The following SESTD1 variants were observed in gnomAD, a reference collection of about 807,000 sequenced individuals.
SESTD1 encodes the protein SEC14 domain and spectrin repeat-containing protein 1.
Under a neutral mutation model 101.7 loss-of-function variants are expected in SESTD1, and 43 were observed. The ratio of observed to expected loss-of-function variants is 0.42; its 90% CI spans 0.33 to 0.55. The LOEUF is 0.55. Ranked by LOEUF, SESTD1 falls within the 20% of genes least tolerant of loss-of-function variation. The pLI, the probability that SESTD1 is intolerant of heterozygous loss-of-function variation, is 0.07. For missense variants in SESTD1, 647 were observed against 815.1 expected (o/e 0.79, Z 2.51); for synonymous variants, 283 against 286.8 (o/e 0.99, Z 0.13).
chr2:179,259,085 A>G (rs2047442347), intron 1 of SESTD1, among the ~76,000 whole-genome samples: 1 of 152,202 alleles, frequency 6.6e-6, no homozygotes, highest in African/African-American at 2.4e-5. Context: ...GGGGGAGTCC[A>G]CCAAGTAGAC....
chr2:179,256,021 CAA>C (rs150797497), intron 1 of SESTD1, among the ~76,000 whole-genome samples: 7 of 136,808 alleles, frequency 5.1e-5, no homozygotes, highest in Admixed American at 7.4e-5. Context: ...GCTGCTCAGA[CAA>C]AAAAAAAAAA....
chr2:179,201,957 A>AATAATAATG (rs1231917793), intron 1 of SESTD1, among the ~76,000 whole-genome samples: 1 of 120,066 alleles, frequency 8.3e-6, no homozygotes, highest in African/African-American at 3.2e-5. Flanking sequence ...TAATAATAAT[A>AATAATAATG]AAGAAAGAGG....
rs562198960 is a variant in SESTD1, at chr2:179,227,732, C to CT, written c.-25-35867dup. Among the ~76,000 whole-genome samples the CT allele has an allele frequency of 1.1e-3, 167 of 152,242 alleles. 1 individual carries two copies. The highest frequency in any genetic ancestry group is 3.7e-3 in the African/African-American group (154 of 41,542). On this transcript the variant is annotated intron_variant, in intron 1 of 17. Coordinates refer to ENST00000428443, the MANE Select transcript of SESTD1 (RefSeq NM_178123.5). ...AGTAGCAATTCCCGGTTTTCAATGA[C>CT]TTCTGCACTGCCTGTGGAGCTCTTG...
chr2:179,137,936 T>A (rs75778502), intron 9 of SESTD1, among the ~76,000 whole-genome samples: 3,730 of 152,340 alleles, frequency 0.024, 70 homozygotes, highest in Middle Eastern at 0.088. Flanking sequence ...GTGCTCTGTG[T>A]GACCAACATA....
At position 179,204,110 on chromosome 2, in the gene SESTD1, T is replaced by G. The variant is rs2046559777; in HGVS notation, c.-25-12244A>C. ...TGAGAAATATTGTCATTGAAAAGTT[T>G]CATATATATATATACACACACATAC... On this transcript the variant is annotated intron_variant, in intron 1 of 17. Coordinates refer to ENST00000428443, the MANE Select transcript of SESTD1 (RefSeq NM_178123.5). Among the ~76,000 whole-genome samples the G allele has an allele frequency of 1.5e-5, 2 of 133,262 alleles. 1 individual carries two copies. Among genetic ancestry groups the G allele is most frequent in the Admixed American group, 1.5e-4 (2 of 13,714 alleles). The allele number at this position is 133,262 out of a possible 152,430, so 87.4% of individuals were successfully genotyped here.
At chr2:179,152,777 C>T (rs2045555507) in intron 5 of SESTD1, among the ~76,000 whole-genome samples, 1 of 151,938 alleles carries the variant, frequency 6.6e-6, no homozygotes, top group Non-Finnish European at 1.5e-5. Context: ...GATAACAATA[C>T]ATTAAATGGA....
chr2:179,224,338 G>A (rs2046853022), intron 1 of SESTD1, among the ~76,000 whole-genome samples: 1 of 152,196 alleles, frequency 6.6e-6, no homozygotes, highest in East Asian at 1.9e-4. Context: ...CAGCAGCCTA[G>A]TGAGATGGAG....
chr2:179,195,150 G>A (rs989613358), intron 1 of SESTD1, among the ~76,000 whole-genome samples: 4 of 152,306 alleles, frequency 2.6e-5, no homozygotes, highest in South Asian at 4.1e-4. Context: ...CACCGGATAT[G>A]GTTTGACTCT....
At chr2:179,260,871 G>T (rs2105563446) in intron 1 of SESTD1, among the ~76,000 whole-genome samples, 1 of 152,238 alleles carries the variant, frequency 6.6e-6, no homozygotes, top group South Asian at 2.1e-4. Context: ...ATATGGAAAT[G>T]TGTATTTATA....
chr2:179,248,460 T>G (rs2047265666), intron 1 of SESTD1, among the ~76,000 whole-genome samples: 3 of 152,082 alleles, frequency 2.0e-5, no homozygotes, highest in Non-Finnish European at 2.9e-5. Context: ...GACATGAATA[T>G]AAACCTAAGA....
chr2:179,136,145 T>G (rs1278094644), intron 9 of SESTD1, among the ~76,000 whole-genome samples: 1 of 152,218 alleles, frequency 6.6e-6, no homozygotes, highest in African/African-American at 2.4e-5. Context: ...GGGTCTGAAT[T>G]CCGGCTCTGC....
At chr2:179,151,412 A>T in intron 5 of SESTD1, 21 bp from the exon 6 acceptor site, 1 of 1,554,960 alleles carries the variant, frequency 6.4e-7, no homozygotes, top group South Asian at 1.2e-5. Flanking sequence ...GTTAAAAGAA[A>T]AGAAACATTT....
chr2:179,257,526 T>C (rs905439817), intron 1 of SESTD1, among the ~76,000 whole-genome samples: 2 of 152,248 alleles, frequency 1.3e-5, no homozygotes, highest in African/African-American at 4.8e-5. Context: ...ATATTTGCTT[T>C]ACTGTGGTGG....
chr2:179,205,072 A>G (rs1460635269), intron 1 of SESTD1, among the ~76,000 whole-genome samples: 1 of 134,796 alleles, frequency 7.4e-6, no homozygotes, highest in African/African-American at 2.9e-5. Flanking sequence ...AAATTATACA[A>G]AATAAATCCC....
intron 1 of SESTD1, among the ~76,000 whole-genome samples, chr2:179,241,389 C>T (rs1424038366): frequency 1.3e-5 from 2 of 151,530 alleles, no homozygotes; most frequent in Admixed American, 6.6e-5. Flanking sequence ...GGGACACACA[C>T]AAAAAAAATC....
At chr2:179,217,133 G>A (rs1456236296) in intron 1 of SESTD1, among the ~76,000 whole-genome samples, 1 of 152,124 alleles carries the variant, frequency 6.6e-6, no homozygotes, top group Non-Finnish European at 1.5e-5. Flanking sequence ...ATTGACAAAT[G>A]GGATCTAATT....
At chr2:179,165,122 G>A (rs116545870) in intron 5 of SESTD1, among the ~76,000 whole-genome samples, 275 of 152,240 alleles carry the variant, frequency 1.8e-3, no homozygotes, top group South Asian at 6.0e-3. Flanking sequence ...GCCTGGCAGC[G>A]TATTAACCAG....
At chr2:179,197,906 G>A (rs558193295) in intron 1 of SESTD1, among the ~76,000 whole-genome samples, 6 of 150,514 alleles carry the variant, frequency 4.0e-5, no homozygotes, top group East Asian at 2.0e-4. Context: ...ATCAACTAAC[G>A]AGCAAAATAA....
chr2:179,141,260 T>C (rs886193704), intron 9 of SESTD1, among the ~76,000 whole-genome samples: 1 of 152,180 alleles, frequency 6.6e-6, no homozygotes, highest in Non-Finnish European at 1.5e-5. Context: ...CAATGTTCCC[T>C]AGGTGGGCAA....
Sources: allele counts gnomAD v4.1 joint callset (sites outside exome capture counted in the v4.1 genomes callset), GRCh38; gene constraint gnomAD v4.1.1; transcripts MANE v1.5; gene names NCBI Gene and HGNC (gene_info 2026-07-23, HGNC 2026-07-21).